Variants in KDM4C observed in about 807,000 individuals in gnomAD.
KDM4C encodes lysine demethylase 4C.
In KDM4C, 81 loss-of-function variants were observed where a neutral mutation model predicts 129.3. The ratio of observed to expected loss-of-function variants is 0.63; its 90% CI spans 0.52 to 0.75. The LOEUF is 0.75. Ranked by LOEUF, KDM4C falls within the 30% of genes least tolerant of loss-of-function variation. The probability of loss-of-function intolerance (pLI) is 0.00; values close to 1 mark genes in which losing one functional copy is unlikely to be tolerated. For missense variants in KDM4C, 1,457 were observed against 1,304.0 expected (o/e 1.12, Z -1.81); for synonymous variants, 573 against 456.1 (o/e 1.26, Z -3.26).
intron 5 of KDM4C, among the ~76,000 whole-genome samples, chr9:6,867,974 T>C (rs1419866599): frequency 1.3e-5 from 2 of 152,214 alleles, no homozygotes; most frequent in Non-Finnish European, 2.9e-5. Flanking sequence ...GATAGGTCCC[T>C]ACTTTGGAAA....
chr9:7,121,551 C>A (rs1162492327), intron 18 of KDM4C, among the ~76,000 whole-genome samples: 1 of 152,136 alleles, frequency 6.6e-6, no homozygotes, highest in African/African-American at 2.4e-5. Context: ...GTCGTATGCA[C>A]AGGATGTGGA....
chr9:7,074,836 C>T (rs1310008514), intron 17 of KDM4C, among the ~76,000 whole-genome samples: 3 of 151,984 alleles, frequency 2.0e-5, no homozygotes, highest in Non-Finnish European at 4.4e-5. Flanking sequence ...CATGCTGATA[C>T]GTTTTTATTT....
chr9:6,857,016 C>T (rs1290733400), intron 5 of KDM4C, among the ~76,000 whole-genome samples: 1 of 152,130 alleles, frequency 6.6e-6, no homozygotes. Context: ...CTCGGCCTCC[C>T]ATAATTTTTG....
rs573943442 is a variant in KDM4C at position 7,016,726 on chromosome 9, A to G, written c.2259+797A>G. 5.3e-5 allele frequency among the ~76,000 whole-genome samples: 8 copies of G among 152,136 alleles called. 1 individual carries two copies. In the South Asian group the frequency reaches 1.2e-3, roughly 24 times the overall value. ...CAGCCGTGAGCCACTGTGCCCGACTATTAGGTAAATTTCTGGTGGCAGTCC... is the reference window on the plus strand; with the variant it reads ...CAGCCGTGAGCCACTGTGCCCGACTGTTAGGTAAATTTCTGGTGGCAGTCC... On this transcript the variant is annotated intron_variant, in intron 15 of 21. Transcript: ENST00000381309.
At chr9:6,926,618 A>C (rs943455236) in intron 8 of KDM4C, among the ~76,000 whole-genome samples, 1 of 152,208 alleles carries the variant, frequency 6.6e-6, no homozygotes, top group African/African-American at 2.4e-5. Context: ...CTCTAGCACG[A>C]GTAAGGAAGG....
intron 2 of KDM4C, among the ~76,000 whole-genome samples, chr9:6,803,319 T>A (rs1202560491): frequency 6.6e-6 from 1 of 152,116 alleles, no homozygotes; most frequent in Non-Finnish European, 1.5e-5. Context: ...ATGCTTGTAA[T>A]CCCAACACTT....
At chr9:6,839,471 C>G (rs1205463244) in intron 4 of KDM4C, among the ~76,000 whole-genome samples, 1 of 148,568 alleles carries the variant, frequency 6.7e-6, no homozygotes, top group Non-Finnish European at 1.5e-5. Context: ...AAGTCTCAGA[C>G]TCAAGCAATC....
chr9:7,034,402 A>C (rs1827286978), intron 15 of KDM4C, among the ~76,000 whole-genome samples: 1 of 152,058 alleles, frequency 6.6e-6, no homozygotes, highest in Non-Finnish European at 1.5e-5. Flanking sequence ...TTTACTTTTT[A>C]CTTCTATGGG....
intron 17 of KDM4C, among the ~76,000 whole-genome samples, chr9:7,096,941 G>C (rs1225442609): frequency 6.6e-6 from 1 of 152,222 alleles, no homozygotes; most frequent in Non-Finnish European, 1.5e-5. Flanking sequence ...CCAGAGTACA[G>C]TCCAAGGCCT....
intron 1 of KDM4C, among the ~76,000 whole-genome samples, chr9:6,745,630 T>G (rs1176641320): frequency 6.6e-6 from 1 of 151,780 alleles, no homozygotes; most frequent in Non-Finnish European, 1.5e-5. Context: ...TTATGTTACA[T>G]TACATTATAT....
chr9:6,933,025 G>A (rs530459438), intron 8 of KDM4C, among the ~76,000 whole-genome samples: 1 of 152,188 alleles, frequency 6.6e-6, no homozygotes, highest in East Asian at 1.9e-4. Flanking sequence ...ACAAGCAAGT[G>A]TAGGGAGTTC....
At chr9:7,079,306 C>G (rs1363446476) in intron 17 of KDM4C, among the ~76,000 whole-genome samples, 1 of 152,142 alleles carries the variant, frequency 6.6e-6, no homozygotes, top group Non-Finnish European at 1.5e-5. Flanking sequence ...ACATTAATCT[C>G]TACAAGAGTG....
At chr9:7,000,645 A>G (rs1221879291) in intron 12 of KDM4C, among the ~76,000 whole-genome samples, 1 of 152,230 alleles carries the variant, frequency 6.6e-6, no homozygotes, top group Non-Finnish European at 1.5e-5. Context: ...AATATATATG[A>G]AATTGTCAAT....
At chr9:6,862,068 G>T (rs1242778373) in intron 5 of KDM4C, among the ~76,000 whole-genome samples, 1 of 152,038 alleles carries the variant, frequency 6.6e-6, no homozygotes, top group Non-Finnish European at 1.5e-5. Context: ...CAACGCGCCT[G>T]ACCTACAATA....
At chr9:7,054,102 C>G (rs1415826120) in intron 17 of KDM4C, among the ~76,000 whole-genome samples, 3 of 152,178 alleles carry the variant, frequency 2.0e-5, no homozygotes, top group Non-Finnish European at 2.9e-5. Context: ...AAACCCCTTC[C>G]CTGTGCCCTG....
At chr9:6,835,200 C>A in intron 4 of KDM4C, 1 of 917,814 alleles carries the variant, frequency 1.1e-6, no homozygotes, top group Non-Finnish European at 1.8e-6. Context: ...TCATCACCAT[C>A]GGCAACGAGC....
chr9:6,973,338 C>T (rs73397842), intron 8 of KDM4C, among the ~76,000 whole-genome samples: 12,719 of 152,140 alleles, frequency 0.084, 1,096 homozygotes, highest in African/African-American at 0.21. Context: ...CCCCACTGCA[C>T]CCAGCCCCTG....
chr9:6,779,032 CT>C (rs60503128), intron 1 of KDM4C, among the ~76,000 whole-genome samples: 12,009 of 94,534 alleles, frequency 0.13, 1,102 homozygotes, highest in African/African-American at 0.15. Flanking sequence ...TGATTAAAGT[CT>C]TTTTTTTTTT....
At chr9:6,865,608 C>G (rs1482030590) in intron 5 of KDM4C, among the ~76,000 whole-genome samples, 1 of 152,086 alleles carries the variant, frequency 6.6e-6, no homozygotes, top group Non-Finnish European at 1.5e-5. Context: ...GGTCTATCAC[C>G]TGGGCTGGAG....
Sources: allele counts gnomAD v4.1 joint callset (sites outside exome capture counted in the v4.1 genomes callset), GRCh38; gene constraint gnomAD v4.1.1; transcripts MANE v1.5; gene names NCBI Gene and HGNC (gene_info 2026-07-23, HGNC 2026-07-21).